RALGAPA1: variants seen among roughly 807,000 people sequenced by gnomAD.
RALGAPA1 encodes ral GTPase-activating protein subunit alpha-1.
RALGAPA1 carries 52 observed loss-of-function variants against 269.6 expected under a neutral mutation model. The ratio of observed to expected loss-of-function variants is 0.19; its 90% confidence interval spans 0.15 to 0.24. The LOEUF is 0.24. RALGAPA1 is among the 10% of genes least tolerant of loss of function. RALGAPA1 has a pLI of 1.00. For missense variants in RALGAPA1, 1,917 were observed against 3,013.9 expected (o/e 0.64, Z 8.52); for synonymous variants, 817 against 1,008.3 (o/e 0.81, Z 3.60).
intron 39 of RALGAPA1, among the ~76,000 whole-genome samples, chr14:35,561,703 T>C (rs2056279092): frequency 6.6e-6 from 1 of 151,924 alleles, no homozygotes; most frequent in Non-Finnish European, 1.5e-5. Flanking sequence ...AGAGACAGGG[T>C]TTCACTATAT....
intron 1 of RALGAPA1, among the ~76,000 whole-genome samples, chr14:35,782,715 C>A (rs1859012119): frequency 6.6e-6 from 1 of 152,090 alleles, no homozygotes; most frequent in South Asian, 2.1e-4. Context: ...TGAGCCACCA[C>A]ACCCAGCCTC....
intron 35 of RALGAPA1, among the ~76,000 whole-genome samples, chr14:35,612,066 A>C (rs1285048372): frequency 1.3e-5 from 2 of 152,146 alleles, no homozygotes. Flanking sequence ...ACAACGAGAT[A>C]TCTACATGAA....
At chr14:35,653,426 AT>A (rs1354420428) in intron 30 of RALGAPA1, among the ~76,000 whole-genome samples, 2 of 152,204 alleles carry the variant, frequency 1.3e-5, no homozygotes, top group Non-Finnish European at 2.9e-5. Flanking sequence ...TCACTGAAAG[AT>A]GAGGGCACTA....
intron 35 of RALGAPA1, among the ~76,000 whole-genome samples, chr14:35,612,602 A>G (rs1314721399): frequency 1.6e-4 from 24 of 149,234 alleles, no homozygotes; most frequent in East Asian, 1.2e-3. Context: ...GCAGTGGCGC[A>G]ATCTCGGCTC....
intron 21 of RALGAPA1, among the ~76,000 whole-genome samples, chr14:35,682,517 AGGAT>A (rs956459914): frequency 6.6e-6 from 1 of 152,116 alleles, no homozygotes. Flanking sequence ...CCTATTAGCC[AGGAT>A]GGTCTCGATC....
intron 16 of RALGAPA1, among the ~76,000 whole-genome samples, chr14:35,707,882 T>C (rs1389484064): frequency 6.6e-6 from 1 of 152,082 alleles, no homozygotes; most frequent in African/African-American, 2.4e-5. Context: ...ATTTAATTCT[T>C]TTATCAGTAA....
At chr14:35,658,647 C>T (rs1306240288) in intron 28 of RALGAPA1, among the ~76,000 whole-genome samples, 1 of 151,500 alleles carries the variant, frequency 6.6e-6, no homozygotes, top group Non-Finnish European at 1.5e-5. Context: ...TTTCTTAAGA[C>T]ATTTAGAAAA....
intron 33 of RALGAPA1, among the ~76,000 whole-genome samples, chr14:35,631,271 C>T (rs1251401231): frequency 1.3e-5 from 2 of 152,190 alleles, no homozygotes; most frequent in Non-Finnish European, 2.9e-5. Flanking sequence ...TTTACCACAG[C>T]TCTAATTTCC....
Position 35,688,448 on chromosome 14 carries a change from T to C in RALGAPA1, c.3952+11A>G. The stretch of plus-strand genomic sequence containing the variant: ...TTCTCCTTTTGCGCTCTGCACACTG[T>C]TAGTGCTCACCTGCAGCTTTCCTTC... On this transcript the variant is annotated intron_variant, in intron 18 of 41. Coordinates refer to ENST00000680220, the MANE Select transcript of RALGAPA1 (RefSeq NM_001346249.2). The C allele has an allele frequency of 1.3e-6, 2 of 1,536,128 alleles. No homozygotes were observed.
Position 35,738,324 on chromosome 14 carries a change from T to G in RALGAPA1, c.1587+189A>C, listed in dbSNP as rs549901445. ...ACATAATTTATATAACATTTAAAAT[T>G]ATCTAGAATAATATGTAATGTTTAT... On this transcript the variant is annotated intron_variant, in intron 12 of 41. Transcript: ENST00000680220. Among the ~76,000 whole-genome samples the G allele has an allele frequency of 3.9e-5, 6 of 152,046 alleles. No individual in the cohort carries two copies. In the East Asian group the frequency reaches 9.6e-4, roughly 24 times the overall value.
At chr14:35,710,279 T>A (rs1029616668) in intron 16 of RALGAPA1, among the ~76,000 whole-genome samples, 2 of 152,220 alleles carry the variant, frequency 1.3e-5, no homozygotes, top group Admixed American at 1.3e-4. Flanking sequence ...TTTTTTTCTT[T>A]GAAATGGAGT....
chr14:35,562,360 C>A (rs2056330625), intron 39 of RALGAPA1, among the ~76,000 whole-genome samples: 1 of 152,102 alleles, frequency 6.6e-6, no homozygotes, highest in African/African-American at 2.4e-5. Context: ...GGAGGGGACA[C>A]CAAGATGTGT....
At chr14:35,598,022 T>C (rs1007981664) in intron 36 of RALGAPA1, among the ~76,000 whole-genome samples, 1 of 152,204 alleles carries the variant, frequency 6.6e-6, no homozygotes, top group African/African-American at 2.4e-5. Flanking sequence ...ATTTTACATA[T>C]GTAGATTAGA....
chr14:35,778,853 T>C (rs1029813682), intron 1 of RALGAPA1, among the ~76,000 whole-genome samples: 1 of 152,204 alleles, frequency 6.6e-6, no homozygotes, highest in African/African-American at 2.4e-5. Flanking sequence ...TTCTAAACAA[T>C]GCACACTATT....
chr14:35,713,502 C>A (rs1276845340), intron 16 of RALGAPA1, among the ~76,000 whole-genome samples: 1 of 152,154 alleles, frequency 6.6e-6, no homozygotes, highest in Non-Finnish European at 1.5e-5. Flanking sequence ...CAAATTAATT[C>A]TAAAAACAGT....
In RALGAPA1 at chr14:35,678,073, G is replaced by A. The variant is rs779953579; in HGVS notation, c.4501C>T (p.Pro1501Ser). 2 of 1,608,574 alleles carry A rather than the reference G, an allele frequency of 1.2e-6. No individual in the cohort carries two copies. Among genetic ancestry groups the A allele is most frequent in the South Asian group, 1.1e-5 (1 of 89,812 alleles). ...GSESASPVHS[P>S]LGSRSQTPSP... ...GGAGTCTGTGACCTGGAGCCCAGAG[G>A]TGAGTGGACTGGGGAAGCACTTTCT... The change falls in exon 22 of 42, where the codon CCT (proline) becomes TCT (serine). Residue 1501 changes from proline (P) to serine (S), a missense_variant. Coordinates refer to ENST00000680220, the MANE Select transcript of RALGAPA1 (RefSeq NM_001346249.2).
At chr14:35,625,485 A>T (rs977675739) in intron 34 of RALGAPA1, 53 bp from the exon 35 acceptor site, 1 of 1,322,938 alleles carries the variant, frequency 7.6e-7, no homozygotes, top group Non-Finnish European at 1.1e-6. Context: ...GAATGACAAG[A>T]CAGTCCCGGA....
intron 39 of RALGAPA1, among the ~76,000 whole-genome samples, chr14:35,566,538 G>T (rs1040709097): frequency 6.6e-6 from 1 of 151,964 alleles, no homozygotes; most frequent in African/African-American, 2.4e-5. Flanking sequence ...GAAGAGTAAA[G>T]GATTAACTGG....
chr14:35,554,589 G>A (rs538897988), intron 39 of RALGAPA1, among the ~76,000 whole-genome samples: 1 of 151,450 alleles, frequency 6.6e-6, no homozygotes, highest in African/African-American at 2.4e-5. Context: ...CTCGTGATCC[G>A]CCCGCCTCGG....
Sources: gnomAD v4.1 joint callset for allele counts (sites outside exome capture counted in the v4.1 genomes callset) on GRCh38, gnomAD v4.1.1 for gene constraint, MANE v1.5 for transcripts, NCBI Gene and HGNC (gene_info 2026-07-23, HGNC 2026-07-21) for gene names.